GABBR2: variants seen among roughly 807,000 people sequenced by gnomAD.
GABBR2 encodes the protein G-protein coupled receptor 51.
Under a neutral mutation model 105.6 loss-of-function variants are expected in GABBR2, and 23 were observed. The ratio of observed to expected loss-of-function variants is 0.22; its 90% CI spans 0.16 to 0.31. The LOEUF is 0.31. Among genes scored for constraint, GABBR2 ranks in the 10% least tolerant of loss-of-function variants. GABBR2 has a pLI of 1.00. For synonymous variants in GABBR2, 478 were observed against 499.7 expected (o/e 0.96, Z 0.58); for missense variants, 734 against 1,245.5 (o/e 0.59, Z 6.18).
chr9:98,696,986 T>C (rs1004995818), intron 1 of GABBR2, among the ~76,000 whole-genome samples: 14 of 152,106 alleles, frequency 9.2e-5, no homozygotes, highest in African/African-American at 3.4e-4. Context: ...AAAAAAAGCA[T>C]TGCCGCTTGT....
intron 1 of GABBR2, among the ~76,000 whole-genome samples, chr9:98,676,229 C>A (rs1410162453): frequency 6.6e-6 from 1 of 152,212 alleles, no homozygotes; most frequent in Non-Finnish European, 1.5e-5. Flanking sequence ...CCAAGGAATG[C>A]AGGTGACCTC....
intron 1 of GABBR2, among the ~76,000 whole-genome samples, chr9:98,653,356 A>T (rs898718181): frequency 2.6e-5 from 4 of 152,234 alleles, no homozygotes; most frequent in Non-Finnish European, 4.4e-5. Context: ...AGACAACGGG[A>T]TCCTTTCTCT....
chr9:98,705,861 G>C (rs1179101705), intron 1 of GABBR2, among the ~76,000 whole-genome samples: 1 of 152,176 alleles, frequency 6.6e-6, no homozygotes, highest in African/African-American at 2.4e-5. Context: ...CAGATCACCT[G>C]AGGTCGGGAG....
chr9:98,676,006 T>C (rs867663054), intron 1 of GABBR2, among the ~76,000 whole-genome samples: 4 of 152,242 alleles, frequency 2.6e-5, no homozygotes, highest in South Asian at 4.1e-4. Flanking sequence ...CATGTCCTAA[T>C]GCCAGAAACC....
intron 3 of GABBR2, among the ~76,000 whole-genome samples, chr9:98,526,147 A>C (rs758244524): frequency 1.3e-5 from 2 of 152,202 alleles, no homozygotes; most frequent in Admixed American, 6.5e-5. Flanking sequence ...ACTTTATGGT[A>C]TGTGAATTTT....
intron 7 of GABBR2, among the ~76,000 whole-genome samples, chr9:98,440,100 G>C (rs1249864015): frequency 1.3e-5 from 2 of 152,182 alleles, no homozygotes; most frequent in Non-Finnish European, 2.9e-5. Context: ...TAGGGCCAGT[G>C]ACTAGCTGAT....
At chr9:98,377,372 G>T (rs985157742) in intron 11 of GABBR2, among the ~76,000 whole-genome samples, 2 of 152,178 alleles carry the variant, frequency 1.3e-5, no homozygotes, top group African/African-American at 4.8e-5. Flanking sequence ...AATTCTGTGG[G>T]CAAGTATGGT....
At chr9:98,384,724 A>G (rs769864044) in intron 11 of GABBR2, among the ~76,000 whole-genome samples, 4 of 152,114 alleles carry the variant, frequency 2.6e-5, no homozygotes, top group Non-Finnish European at 4.4e-5. Context: ...ACTTCATTAA[A>G]TATATATATA....
chr9:98,667,234 C>CT (rs1830348571), intron 1 of GABBR2, among the ~76,000 whole-genome samples: 1 of 152,168 alleles, frequency 6.6e-6, no homozygotes, highest in African/African-American at 2.4e-5. Context: ...GTTTGTCCCT[C>CT]TAACTTCCTC....
chr9:98,490,774 T>A (rs900740212), intron 4 of GABBR2, among the ~76,000 whole-genome samples: 1 of 152,144 alleles, frequency 6.6e-6, no homozygotes, highest in Non-Finnish European at 1.5e-5. Flanking sequence ...TCCCTATGAG[T>A]GCCCAGGACG....
At chr9:98,379,540 A>T (rs1831935703) in intron 11 of GABBR2, among the ~76,000 whole-genome samples, 1 of 152,228 alleles carries the variant, frequency 6.6e-6, no homozygotes. Context: ...AAGTGCTGGG[A>T]TTACAGGCAT....
At chr9:98,605,210 A>C (rs1187864669) in intron 1 of GABBR2, among the ~76,000 whole-genome samples, 2 of 152,234 alleles carry the variant, frequency 1.3e-5, no homozygotes, top group Non-Finnish European at 2.9e-5. Flanking sequence ...AGCCATCCCC[A>C]GGTCAGGTTT....
rs192740024 is a variant in GABBR2, at chr9:98,493,735, G to A, written c.732+2678C>T. Among the ~76,000 whole-genome samples the A allele has an allele frequency of 1.9e-3, 289 of 152,166 alleles. 1 individual carries two copies. The highest frequency in any genetic ancestry group is 6.5e-3 in the African/African-American group (270 of 41,500). Reference sequence around the variant, plus strand: ...GATTTCCAAAAGTAACTACCTTCCCGTTGTTCCTGAGTATTATGTCCTTGT... The same window carrying A: ...GATTTCCAAAAGTAACTACCTTCCCATTGTTCCTGAGTATTATGTCCTTGT... On this transcript the variant is annotated intron_variant, in intron 4 of 18. Coordinates refer to ENST00000259455, the MANE Select transcript of GABBR2 (RefSeq NM_005458.8).
At chr9:98,443,340 T>G (rs1465539524) in intron 7 of GABBR2, among the ~76,000 whole-genome samples, 1 of 152,232 alleles carries the variant, frequency 6.6e-6, no homozygotes, top group Non-Finnish European at 1.5e-5. Flanking sequence ...CCTGACTTGA[T>G]GAAGTCAAAC....
At chr9:98,361,596 C>G (rs1831584000) in intron 13 of GABBR2, among the ~76,000 whole-genome samples, 1 of 152,102 alleles carries the variant, frequency 6.6e-6, no homozygotes, top group South Asian at 2.1e-4. Context: ...GAATGGTGAC[C>G]AGATGTCCCC....
chr9:98,535,353 A>G (rs1828154446), intron 3 of GABBR2, among the ~76,000 whole-genome samples: 1 of 152,064 alleles, frequency 6.6e-6, no homozygotes, highest in Admixed American at 6.6e-5. Context: ...TGCCCACCTC[A>G]GTCTCCCAGA....
intron 1 of GABBR2, among the ~76,000 whole-genome samples, chr9:98,663,172 A>G (rs1830288839): frequency 6.6e-6 from 1 of 151,802 alleles, no homozygotes; most frequent in Non-Finnish European, 1.5e-5. Context: ...CAGTGGAGGG[A>G]GAAATCACAA....
rs532694015 is a variant in GABBR2, at chr9:98,306,466, G to A, written c.2005-121C>T. 4 of 667,306 alleles carry A rather than the reference G, an allele frequency of 6.0e-6. No individual in the cohort carries two copies. Among genetic ancestry groups the A allele is most frequent in the South Asian group, 3.5e-5 (2 of 56,978 alleles). The allele number at this position is 667,306 out of a possible 1,614,324, so 41.3% of individuals were successfully genotyped here. ...AGGTGGGCTGCAGGGAGGGAGGGTC[G>A]GGGGCCTTGCTGTCAGCCGGGTCTT... is the stretch of plus-strand genomic sequence containing the variant. On this transcript the variant is annotated intron_variant, in intron 14 of 18. Transcript: ENST00000259455. This position sits in a 1 kb window ranked among gnomAD's most constrained non-coding sequence, Gnocchi z 5.4.
At chr9:98,475,053 C>A (rs1826760560) in intron 5 of GABBR2, among the ~76,000 whole-genome samples, 1 of 152,114 alleles carries the variant, frequency 6.6e-6, no homozygotes, top group African/African-American at 2.4e-5. Context: ...CATTGCTTAA[C>A]AAAAGACCCC....
Sources: gnomAD v4.1 joint callset for allele counts (sites outside exome capture counted in the v4.1 genomes callset) on GRCh38, gnomAD v4.1.1 for gene constraint, Gnocchi (gnomAD v3.1) non-coding constraint, MANE v1.5 for transcripts, NCBI Gene and HGNC (gene_info 2026-07-23, HGNC 2026-07-21) for gene names.